The following PTPRG variants were observed in gnomAD, a reference collection of about 807,000 sequenced individuals.
The protein encoded by PTPRG is protein tyrosine phosphatase receptor type G, also known as receptor-type tyrosine-protein phosphatase gamma.
Under a neutral mutation model 165.3 loss-of-function variants are expected in PTPRG, and 102 were observed. The ratio of observed to expected loss-of-function variants is 0.62; its 90% CI spans 0.53 to 0.73. PTPRG has a LOEUF of 0.73. Among genes scored for constraint, PTPRG ranks in the 30% least tolerant of loss-of-function variants. The probability of loss-of-function intolerance (pLI) is 0.00; values close to 1 mark genes in which losing one functional copy is unlikely to be tolerated. For synonymous variants in PTPRG, 675 were observed against 669.5 expected (o/e 1.01, Z -0.13); for missense variants, 1,866 against 1,861.4 (o/e 1.00, Z -0.05).
At chr3:62,244,069 C>A (rs1242569202) in intron 15 of PTPRG, among the ~76,000 whole-genome samples, 171 bp downstream of exon 15, 1 of 152,028 alleles carries the variant, frequency 6.6e-6, no homozygotes, top group Non-Finnish European at 1.5e-5. Flanking sequence ...CAGTCATAGG[C>A]AGGAAAGGGA....
At chr3:62,268,942 A>C (rs879127574) in intron 19 of PTPRG, 93 bp from the exon 20 acceptor site, 35 of 1,334,414 alleles carry the variant, frequency 2.6e-5, no homozygotes, top group Non-Finnish European at 3.1e-5. Flanking sequence ...TGGCAATCTC[A>C]CCTGTGTTTT....
chr3:61,747,758 A>T (rs1318566671), intron 1 of PTPRG, among the ~76,000 whole-genome samples: 1 of 152,168 alleles, frequency 6.6e-6, no homozygotes, highest in African/African-American at 2.4e-5. Context: ...TTTGTCTTCA[A>T]TTGAATATAC....
At chr3:61,643,474 G>GT (rs1393485772) in intron 1 of PTPRG, among the ~76,000 whole-genome samples, 4 of 152,154 alleles carry the variant, frequency 2.6e-5, no homozygotes, top group Non-Finnish European at 4.4e-5. Flanking sequence ...ATAACTTTGT[G>GT]TTTTTATTTT....
At chr3:62,130,082 C>T (rs1703456497) in intron 5 of PTPRG, among the ~76,000 whole-genome samples, 1 of 152,080 alleles carries the variant, frequency 6.6e-6, no homozygotes, top group Non-Finnish European at 1.5e-5. Flanking sequence ...TTTTATGGGT[C>T]AGTAGGTTGG....
rs973770816 is a variant in PTPRG, at chr3:62,296,972, T to A, written c.*3665T>A. On this transcript the variant is annotated 3_prime_UTR_variant, in exon 30 of 30. Coordinates refer to ENST00000474889, the MANE Select transcript of PTPRG (RefSeq NM_002841.4). The stretch of plus-strand genomic sequence containing the variant: ...TATAAAATGTCGCAACTCTCCAACA[T>A]TTGGGGTAGTGACTCCTTTTTTGTT... The A allele has an allele frequency of 3.3e-5, 5 of 152,060 alleles. No individual in the cohort carries two copies. The highest frequency in any genetic ancestry group is 7.4e-5 in the Non-Finnish European group (5 of 67,952). 9.4% of individuals were successfully genotyped at this position (152,060 alleles called of 1,614,324 possible).
Position 62,218,886 on chromosome 3 carries a change from G to A in PTPRG, c.2191G>A (p.Ala731Thr). Residue 731 changes from alanine (A) to threonine (T), a missense_variant, in exon 13 of 30, where the codon GCT (alanine) becomes ACT (threonine). Around this residue, in one of 3 missense-constraint regions of PTPRG, gnomAD observed 1,452 missense variants for 1,463.0 expected, o/e 0.99. Transcript: ENST00000474889. ...CACCTCTGGAATGATAAGCCGCCCT[G>A]CTCCAGGGAGGATGGAGTGGATCAT... The part of the protein sequence containing the change: ...KNTSGMISRP[A>T]PGRMEWIIPL... The A allele has an allele frequency of 6.2e-7, 1 of 1,614,038 alleles. No individual in the cohort carries two copies. Among genetic ancestry groups the A allele is most frequent in the Non-Finnish European group, 8.5e-7 (1 of 1,179,908 alleles).
intron 5 of PTPRG, among the ~76,000 whole-genome samples, chr3:62,128,495 C>A (rs974188954): frequency 6.6e-6 from 1 of 151,866 alleles, no homozygotes; most frequent in Admixed American, 6.6e-5. Context: ...GGATAAATTG[C>A]ATTTGTTTGT....
intron 2 of PTPRG, among the ~76,000 whole-genome samples, chr3:61,877,765 A>C (rs1266316308): frequency 1.3e-5 from 2 of 152,366 alleles, no homozygotes; most frequent in East Asian, 1.9e-4. Flanking sequence ...AAAAGAAAAA[A>C]GTCTTCTCTT....
chr3:62,078,733 G>C (rs1701474929), intron 5 of PTPRG, among the ~76,000 whole-genome samples: 1 of 151,984 alleles, frequency 6.6e-6, no homozygotes, highest in Non-Finnish European at 1.5e-5. Context: ...TCTCTGTGTT[G>C]GTACATTTAT....
chr3:62,200,621 TA>T (rs932640717), intron 10 of PTPRG, among the ~76,000 whole-genome samples: 92 of 152,144 alleles, frequency 6.0e-4, no homozygotes, highest in Non-Finnish European at 9.4e-4. Flanking sequence ...ACCGTAATCT[TA>T]AAAAAAATTT....
intron 2 of PTPRG, among the ~76,000 whole-genome samples, chr3:61,977,519 G>A (rs576260978): frequency 6.6e-5 from 10 of 152,038 alleles, no homozygotes; most frequent in East Asian, 5.8e-4. Context: ...TGTATATACC[G>A]TTACTGGTTT....
At chr3:61,710,871 A>G (rs2031516030) in intron 1 of PTPRG, among the ~76,000 whole-genome samples, 1 of 152,044 alleles carries the variant, frequency 6.6e-6, no homozygotes, top group Admixed American at 6.6e-5. Flanking sequence ...TGCTGCACCC[A>G]TCAACCCATC....
intron 2 of PTPRG, among the ~76,000 whole-genome samples, chr3:61,945,876 A>G (rs2039747773): frequency 6.6e-6 from 1 of 152,218 alleles, no homozygotes. Context: ...TTTCTGTCCC[A>G]TTAGGTGAGA....
intron 2 of PTPRG, among the ~76,000 whole-genome samples, chr3:61,952,184 A>AG (rs2039916693): frequency 6.7e-6 from 1 of 149,798 alleles, no homozygotes; most frequent in Non-Finnish European, 1.5e-5. Flanking sequence ...TCATATGTGG[A>AG]GGCAGTGCAT....
chr3:61,780,847 G>T (rs1306793027), intron 2 of PTPRG, among the ~76,000 whole-genome samples: 1 of 152,216 alleles, frequency 6.6e-6, no homozygotes, highest in African/African-American at 2.4e-5. Flanking sequence ...ATTAAAATGT[G>T]TGCCTATGTC....
chr3:61,788,137 C>G (rs563753061), intron 2 of PTPRG, among the ~76,000 whole-genome samples: 4 of 152,238 alleles, frequency 2.6e-5, no homozygotes, highest in African/African-American at 9.6e-5. Context: ...GTGATTTACT[C>G]CCATGGTTGA....
intron 2 of PTPRG, among the ~76,000 whole-genome samples, chr3:61,777,613 C>T (rs760152335): frequency 6.4e-4 from 98 of 152,184 alleles, no homozygotes; most frequent in Non-Finnish European, 1.3e-3. Flanking sequence ...GAATCGGAGA[C>T]ATTTAGAAAA....
At chr3:61,701,468 AATATTT>A (rs2106705813) in intron 1 of PTPRG, among the ~76,000 whole-genome samples, 1 of 152,302 alleles carries the variant, frequency 6.6e-6, no homozygotes, top group East Asian at 1.9e-4. Flanking sequence ...TTATAATAGT[AATATTT>A]GAAAACTTTT....
chr3:61,822,190 C>A (rs2035975903), intron 2 of PTPRG, among the ~76,000 whole-genome samples: 1 of 152,208 alleles, frequency 6.6e-6, no homozygotes, highest in African/African-American at 2.4e-5. Context: ...CTATTCAATA[C>A]TGTTTCTTTG....
Sources: allele counts gnomAD v4.1 joint callset (sites outside exome capture counted in the v4.1 genomes callset), GRCh38; gene constraint gnomAD v4.1.1; regional missense constraint gnomAD v4.1.1; transcripts MANE v1.5; gene names NCBI Gene and HGNC (gene_info 2026-07-23, HGNC 2026-07-21).